Variants in CHD1L observed in about 807,000 individuals in gnomAD.
CHD1L encodes ATP-dependent chromatin remodeler CHD1L.
A neutral mutation model predicts 115.9 loss-of-function variants in CHD1L; 118 were observed. The ratio of observed to expected loss-of-function variants is 1.02; its 90% confidence interval spans 0.88 to 1.19. CHD1L has a LOEUF of 1.19. Ranked by LOEUF, CHD1L falls within the 50% of genes most tolerant of loss-of-function variation. CHD1L has a pLI of 0.00. For missense variants in CHD1L, 1,179 were observed against 1,065.3 expected (o/e 1.11, Z -1.49); for synonymous variants, 411 against 387.1 (o/e 1.06, Z -0.72).
chr1:147,291,417 C>T (rs181940833), intron 19 of CHD1L, 65 bp from the exon 20 acceptor site: 62 of 1,325,538 alleles, frequency 4.7e-5, no homozygotes, highest in Admixed American at 3.9e-4. Context: ...AGGCGAGATA[C>T]GAGGAGGATT....
chr1:147,239,698 T>C (rs1553930361), upstream of CHD1L, among the ~76,000 whole-genome samples: 2 of 152,218 alleles, frequency 1.3e-5, no homozygotes, highest in Non-Finnish European at 2.9e-5. Context: ...CTACCTTTCT[T>C]AGCTGTATTT....
At chr1:147,243,787 C>A (rs1343652569) in intron 1 of CHD1L, among the ~76,000 whole-genome samples, 4 of 152,140 alleles carry the variant, frequency 2.6e-5, no homozygotes, top group African/African-American at 9.7e-5. Context: ...CAAATAGGGA[C>A]CCTTCCTACC....
At chr1:147,216,125 T>C in the CHD1L span, among the ~76,000 whole-genome samples, 1 of 152,236 alleles carries the variant, frequency 6.6e-6, no homozygotes, top group Non-Finnish European at 1.5e-5. Flanking sequence ...TGACTTGCTT[T>C]TGACCAACAG....
chr1:147,248,880 G>A (rs1667479213), intron 1 of CHD1L, among the ~76,000 whole-genome samples: 1 of 152,032 alleles, frequency 6.6e-6, no homozygotes, highest in African/African-American at 2.4e-5. Flanking sequence ...TGTATTTATA[G>A]CTTTACTTTT....
At chr1:147,192,657 G>A in the CHD1L span, among the ~76,000 whole-genome samples, 30 of 152,126 alleles carry the variant, frequency 2.0e-4, no homozygotes, top group East Asian at 5.2e-3. Flanking sequence ...TTTGTCATAG[G>A]TAGCTCTTAT....
chr1:147,209,256 G>A, the CHD1L span, among the ~76,000 whole-genome samples: 1 of 151,952 alleles, frequency 6.6e-6, no homozygotes, highest in African/African-American at 2.4e-5. Flanking sequence ...CGTCTCTACT[G>A]AAAAACCCCG....
At chr1:147,179,498 A>G in the CHD1L span, 71 of 1,576,182 alleles carry the variant, frequency 4.5e-5, no homozygotes, top group African/African-American at 8.8e-4. Context: ...ACAAGAAGCT[A>G]AATCCAAAGA....
the CHD1L span, among the ~76,000 whole-genome samples, chr1:147,234,575 G>C: frequency 6.6e-6 from 1 of 152,164 alleles, no homozygotes; most frequent in Non-Finnish European, 1.5e-5. Context: ...TGGAGTTCAA[G>C]TATTAGTCAG....
intron 18 of CHD1L, 134 bp downstream of exon 18, chr1:147,286,634 A>C: frequency 1.3e-6 from 1 of 760,906 alleles, no homozygotes. Flanking sequence ...TGAATTTTAG[A>C]GTCAGGAGAT....
chr1:147,240,466 G>A (rs1242477379), upstream of CHD1L, among the ~76,000 whole-genome samples: 4 of 152,310 alleles, frequency 2.6e-5, no homozygotes, highest in Admixed American at 2.0e-4. Flanking sequence ...CCTGAAATAT[G>A]GCCTTGTGGG....
intron 2 of CHD1L, 137 bp from the exon 3 acceptor site, chr1:147,254,732 TG>T (rs1669517366): frequency 1.9e-6 from 1 of 520,936 alleles, no homozygotes; most frequent in East Asian, 3.1e-5. Context: ...TCCCCTGATA[TG>T]CGGAAGTTCG....
the CHD1L span, among the ~76,000 whole-genome samples, chr1:147,206,359 C>T: frequency 1.2e-3 from 184 of 152,198 alleles, no homozygotes; most frequent in African/African-American, 3.8e-3. Flanking sequence ...GACAGTGTGG[C>T]GATTCCTCAA....
the CHD1L span, among the ~76,000 whole-genome samples, chr1:147,232,299 G>A: frequency 6.6e-6 from 1 of 152,138 alleles, no homozygotes; most frequent in Non-Finnish European, 1.5e-5. Context: ...TGTCTGTTGG[G>A]AAAAAGCTGA....
chr1:147,272,149 G>T, intron 11 of CHD1L, 22 bp from the exon 12 acceptor site: 1 of 1,588,882 alleles, frequency 6.3e-7, no homozygotes, highest in Non-Finnish European at 8.6e-7. Context: ...TAAGATTTCT[G>T]TTTTTCTTCC....
At chr1:147,198,680 C>A in the CHD1L span, among the ~76,000 whole-genome samples, 1 of 151,740 alleles carries the variant, frequency 6.6e-6, no homozygotes, top group East Asian at 1.9e-4. Context: ...GAAACCCCGT[C>A]TGTATTAAAA....
At chr1:147,284,296 T>G in intron 15 of CHD1L, 55 bp from the exon 16 acceptor site, 1 of 1,380,312 alleles carries the variant, frequency 7.2e-7, no homozygotes, top group Admixed American at 2.3e-5. Context: ...TGAATAGCAT[T>G]AATCTATTTT....
the CHD1L span, among the ~76,000 whole-genome samples, chr1:147,228,316 A>T: frequency 1.3e-5 from 2 of 152,210 alleles, no homozygotes; most frequent in African/African-American, 4.8e-5. Context: ...AGCTTTATCC[A>T]TGTCCCTACA....
In CHD1L at chr1:147,286,377, G is replaced by A. The variant is rs139791996; in HGVS notation, c.2098G>A (p.Gly700Arg). The A allele has an allele frequency of 4.2e-3, 6,766 of 1,614,134 alleles. 20 individuals are homozygous for A. Among genetic ancestry groups the A allele is most frequent in the South Asian group, 5.6e-3 (508 of 91,078 alleles). Residue 700 changes from glycine (G) to arginine (R), a missense_variant, in exon 18 of 23, where the codon GGG becomes AGG. Physicochemically the swap from Gly to Arg is moderately radical, Grantham distance 125. Transcript: ENST00000369258. ...GAGCGAGCCAGAGGACCTTGAGAAT[G>A]GGGAAGAGAGCTCTGCTGAGCTGGA... ...EESEPEDLEN[G>R]EESSAELDYQ...
the CHD1L span, among the ~76,000 whole-genome samples, chr1:147,211,859 G>A: frequency 6.6e-6 from 1 of 152,242 alleles, no homozygotes; most frequent in Non-Finnish European, 1.5e-5. Context: ...ATGTGCTACA[G>A]TTTGGACGCT....
Sources: allele counts gnomAD v4.1 joint callset (sites outside exome capture counted in the v4.1 genomes callset), GRCh38; gene constraint gnomAD v4.1.1; transcripts MANE v1.5; gene names NCBI Gene and HGNC (gene_info 2026-07-23, HGNC 2026-07-21).